Variants in FGF12 observed in about 807,000 individuals in gnomAD.
The protein encoded by FGF12 is fibroblast growth factor 12B.
FGF12 carries 14 observed loss-of-function variants against 23.6 expected under a neutral mutation model. The observed-to-expected ratio is 0.59, with a 90% CI of 0.39 to 0.93. The LOEUF is 0.93. Among genes scored for constraint, FGF12 ranks in the 40% least tolerant of loss-of-function variants. The pLI, the probability that FGF12 is intolerant of heterozygous loss-of-function variation, is 0.00. For missense variants in FGF12, 175 were observed against 217.8 expected (o/e 0.80, Z 1.24); for synonymous variants, 62 against 77.3 (o/e 0.80, Z 1.04).
intron 3 of FGF12, among the ~76,000 whole-genome samples, chr3:192,348,656 A>G (rs941362316): frequency 1.3e-5 from 2 of 152,090 alleles, no homozygotes; most frequent in Admixed American, 1.3e-4. Flanking sequence ...ATTGTTTATT[A>G]TACACTGGGA....
chr3:192,494,854 AT>A (rs1723901514), intron 2 of FGF12, among the ~76,000 whole-genome samples: 2 of 151,844 alleles, frequency 1.3e-5, no homozygotes, highest in African/African-American at 2.4e-5. Context: ...ATATATATAT[AT>A]ATATAAAATA....
chr3:192,242,400 A>G (rs1453310341), intron 4 of FGF12, among the ~76,000 whole-genome samples: 2 of 152,274 alleles, frequency 1.3e-5, no homozygotes, highest in East Asian at 3.9e-4. Context: ...GTTTATGAAC[A>G]TTGCCAATTT....
At chr3:192,513,866 A>G (rs1289860090) in intron 2 of FGF12, among the ~76,000 whole-genome samples, 4 of 152,248 alleles carry the variant, frequency 2.6e-5, no homozygotes, top group Non-Finnish European at 5.9e-5. Context: ...CACTTTAAAG[A>G]TAACTTATAC....
intron 2 of FGF12, among the ~76,000 whole-genome samples, chr3:192,630,734 AT>A (rs1715358998): frequency 6.8e-6 from 1 of 146,044 alleles, no homozygotes; most frequent in Non-Finnish European, 1.5e-5. Context: ...TTTTTTTTGT[AT>A]TTTTAGTAGA....
chr3:192,291,383 C>T (rs1333240911), intron 4 of FGF12, among the ~76,000 whole-genome samples: 1 of 151,960 alleles, frequency 6.6e-6, no homozygotes, highest in Non-Finnish European at 1.5e-5. Flanking sequence ...GAGTTTAAGA[C>T]CAACCTGGGC....
At chr3:192,269,284 G>T (rs1418914561) in intron 4 of FGF12, among the ~76,000 whole-genome samples, 1 of 152,100 alleles carries the variant, frequency 6.6e-6, no homozygotes, top group Non-Finnish European at 1.5e-5. Flanking sequence ...TTAAAAAAAT[G>T]CCTCTCTTCC....
intron 2 of FGF12, among the ~76,000 whole-genome samples, chr3:192,525,448 G>A (rs1724918695): frequency 6.6e-6 from 1 of 152,114 alleles, no homozygotes; most frequent in Admixed American, 6.5e-5. Flanking sequence ...TCCAATCAGA[G>A]AGTATTACAG....
rs376309226 is a variant in FGF12 at position 192,306,842 on chromosome 3, C to G, written c.228+28519G>C. Among the ~76,000 whole-genome samples, 184 of 152,300 alleles carry G rather than the reference C, an allele frequency of 1.2e-3. 1 individual carries two copies. Among genetic ancestry groups the G allele is most frequent in the African/African-American group, 3.9e-3 (161 of 41,570 alleles). ...TTTAAAAGGTCCAGCCTGTCCAAATCAATTTTCTAATCTCATAAAATGGGG... is the reference window on the plus strand; with the variant it reads ...TTTAAAAGGTCCAGCCTGTCCAAATGAATTTTCTAATCTCATAAAATGGGG... On this transcript the variant is annotated intron_variant, in intron 4 of 5. Transcript: ENST00000445105.
At chr3:192,264,312 TA>T (rs1712941675) in intron 4 of FGF12, among the ~76,000 whole-genome samples, 1 of 152,130 alleles carries the variant, frequency 6.6e-6, no homozygotes, top group Non-Finnish European at 1.5e-5. Context: ...AGACTTTTCC[TA>T]AAAGCTAAAT....
chr3:192,238,303 C>T (rs1209917731), intron 4 of FGF12: 1 of 152,454 alleles, frequency 6.6e-6, no homozygotes, highest in African/African-American at 2.4e-5. Flanking sequence ...CACATGTGCA[C>T]CAATGGAGGA....
chr3:192,396,624 C>G (rs565367096), intron 2 of FGF12, among the ~76,000 whole-genome samples: 13 of 152,342 alleles, frequency 8.5e-5, no homozygotes, highest in Middle Eastern at 3.4e-3. Context: ...TTCAAACCCA[C>G]CAACACTTTT....
At chr3:192,294,956 C>T (rs1714951124) in intron 4 of FGF12, among the ~76,000 whole-genome samples, 1 of 152,140 alleles carries the variant, frequency 6.6e-6, no homozygotes, top group African/African-American at 2.4e-5. Context: ...AAGACCCTAA[C>T]TTAAAATAAT....
At chr3:192,348,278 C>A (rs1001627278) in intron 3 of FGF12, among the ~76,000 whole-genome samples, 3 of 152,192 alleles carry the variant, frequency 2.0e-5, no homozygotes, top group South Asian at 2.1e-4. Context: ...CTAAGTGCAA[C>A]CTCGCTAGAT....
intron 2 of FGF12, among the ~76,000 whole-genome samples, chr3:192,640,875 C>T (rs375744603): frequency 5.3e-5 from 8 of 151,696 alleles, no homozygotes; most frequent in African/African-American, 1.5e-4. Context: ...TGCAGTGTCC[C>T]GATCATGGCT....
intron 2 of FGF12, among the ~76,000 whole-genome samples, chr3:192,476,311 T>G (rs1443506359): frequency 4.6e-5 from 7 of 151,982 alleles, no homozygotes; most frequent in Admixed American, 4.6e-4. Context: ...TTATTTTTGT[T>G]TACAGATGAA....
chr3:192,354,928 T>C (rs1047772726), intron 3 of FGF12, among the ~76,000 whole-genome samples: 1 of 152,214 alleles, frequency 6.6e-6, no homozygotes, highest in Non-Finnish European at 1.5e-5. Flanking sequence ...ATAGCTGGTC[T>C]AGAGCTCCCA....
At chr3:192,605,164 G>A (rs1447543516) in intron 2 of FGF12, among the ~76,000 whole-genome samples, 1 of 152,014 alleles carries the variant, frequency 6.6e-6, no homozygotes, top group Non-Finnish European at 1.5e-5. Flanking sequence ...GGATCATCAG[G>A]TCAGGAGATC....
intron 2 of FGF12, among the ~76,000 whole-genome samples, chr3:192,575,308 T>G (rs976436149): frequency 6.6e-6 from 1 of 152,256 alleles, no homozygotes; most frequent in Non-Finnish European, 1.5e-5. Flanking sequence ...ATTGTACATT[T>G]TAATTGTGCA....
chr3:192,209,445 C>T lies in FGF12; in HGVS notation c.229-38789G>A, dbSNP rs1045954093. Among the ~76,000 whole-genome samples the T allele has an allele frequency of 6.6e-5, 10 of 152,290 alleles. 2 individuals carry two copies. On this transcript the variant is annotated intron_variant, in intron 4 of 5. Coordinates refer to ENST00000445105, the MANE Select transcript of FGF12 (RefSeq NM_004113.6). ...CTTTTTATAATAGAACAAGCTTCTG[C>T]CTTGTTTAAACCACTTTTAGTTTGT...
Sources: gnomAD v4.1 joint callset for allele counts (sites outside exome capture counted in the v4.1 genomes callset) on GRCh38, gnomAD v4.1.1 for gene constraint, MANE v1.5 for transcripts, NCBI Gene and HGNC (gene_info 2026-07-23, HGNC 2026-07-21) for gene names.